PSMD4: variants seen among roughly 807,000 people sequenced by gnomAD.
PSMD4 encodes the protein 26S proteasome non-ATPase regulatory subunit 4.
In PSMD4, 5 loss-of-function variants were observed where a neutral mutation model predicts 39.7. That is an observed-to-expected ratio of 0.13 (90% CI 0.07 to 0.26). The LOEUF is 0.26. Among genes scored for constraint, PSMD4 ranks in the 10% least tolerant of loss-of-function variants. PSMD4 has a pLI of 1.00. For missense variants in PSMD4, 272 were observed against 486.1 expected, an observed-to-expected ratio of 0.56 and a Z score of 4.14; for synonymous variants, 143 against 174.6, an observed-to-expected ratio of 0.82 and a Z score of 1.43.
intron 9 of PSMD4, chr1:151,266,864 G>A (rs1693460861): frequency 1.4e-6 from 1 of 715,130 alleles, no homozygotes; most frequent in Non-Finnish European, 2.6e-6. Context: ...AAGCGGGTCT[G>A]GGAAAAAGAA....
chr1:151,261,215 T>C (rs1455750169), intron 1 of PSMD4, among the ~76,000 whole-genome samples: 2 of 143,604 alleles, frequency 1.4e-5, no homozygotes, highest in African/African-American at 5.2e-5. Flanking sequence ...GAAGTTTTGC[T>C]CTTGTTGCCC....
intron 1 of PSMD4, 96 bp downstream of exon 1, chr1:151,254,904 T>A: frequency 7.3e-7 from 1 of 1,374,366 alleles, no homozygotes; most frequent in Non-Finnish European, 9.5e-7. Context: ...CAGGGGCTCA[T>A]GGGCGAGAGG....
At chr1:151,264,367 C>T (rs999479625) in intron 3 of PSMD4, among the ~76,000 whole-genome samples, 3 of 149,420 alleles carry the variant, frequency 2.0e-5, no homozygotes, top group Non-Finnish European at 3.0e-5. Context: ...AGGCCGGGCG[C>T]GGTGGCTCAC....
intron 1 of PSMD4, among the ~76,000 whole-genome samples, chr1:151,261,180 C>CTTT (rs587653164): frequency 1.4e-4 from 17 of 120,006 alleles, no homozygotes; most frequent in African/African-American, 3.1e-4. Flanking sequence ...TTTTCTTTTT[C>CTTT]TTTTTTTTTT....
rs1802788 is a variant in PSMD4, at chr1:151,267,205, C to T, written c.996C>T (p.Pro332=). The T allele has an allele frequency of 5.1e-5, 83 of 1,613,762 alleles. No homozygotes were observed. Among genetic ancestry groups the T allele is most frequent in the Non-Finnish European group, 6.7e-5 (79 of 1,179,858 alleles). ...ATGATTACGACGTGATGCAGGACCC[C>T]GAGTTCCTTCAGAGTGTCCTAGAGA... is the stretch of plus-strand genomic sequence containing the variant. ...EEDDYDVMQD[P]EFLQSVLENL... Residue 332 remains proline (P), a synonymous_variant, in exon 10 of 10, where the codon CCC becomes CCT. Transcript: ENST00000368884.
chr1:151,257,246 C>G (rs1290034082), intron 1 of PSMD4, among the ~76,000 whole-genome samples: 1 of 152,140 alleles, frequency 6.6e-6, no homozygotes, highest in Non-Finnish European at 1.5e-5. Context: ...AATAGATGGT[C>G]ATAGGTGTGC....
intron 2 of PSMD4, 91 bp from the exon 3 acceptor site, chr1:151,263,823 C>T (rs1404490266): frequency 1.1e-6 from 1 of 920,714 alleles, no homozygotes; most frequent in Admixed American, 2.5e-5. Flanking sequence ...GAGTGAGACT[C>T]CGTCTAAAAA....
chr1:151,266,847 G>T, intron 9 of PSMD4: 1 of 722,886 alleles, frequency 1.4e-6, no homozygotes, highest in Non-Finnish European at 2.5e-6. Context: ...CTTCCCAGGA[G>T]GGAAAAAAGC....
Position 151,265,184 on chromosome 1 carries a change from C to A in PSMD4, c.388C>A (p.Arg130Ser). 2 of 1,613,230 alleles carry A rather than the reference C, an allele frequency of 1.2e-6. No homozygotes were observed. The highest frequency in any genetic ancestry group is 1.7e-6 in the Non-Finnish European group (2 of 1,179,704). Residue 130 changes from arginine (R) to serine (S), a missense_variant, in exon 5 of 10, where the codon CGC (arginine) becomes AGC (serine). Transcript: ENST00000368884. ...NEKDLVKLAK[R>S]LKKEKVNVDI... ...TTCCCAGCTGGTGAAACTGGCTAAA[C>A]GCCTCAAGAAGGAGAAAGTAAATGT...
In PSMD4 at chr1:151,267,164, T is replaced by G; in HGVS notation, c.964-9T>G. 1 of 1,613,860 alleles carries G rather than the reference T, an allele frequency of 6.2e-7. No individual in the cohort carries two copies. Among genetic ancestry groups the G allele is most frequent in the Non-Finnish European group, 8.5e-7 (1 of 1,179,804 alleles). ...TACCCTCCCTTGAGCTCACACTGCCTGTTTGCAGGAGGAGGATGATTACGA... is the reference window on the plus strand; with the variant it reads ...TACCCTCCCTTGAGCTCACACTGCCGGTTTGCAGGAGGAGGATGATTACGA... On this transcript the variant is annotated splice_polypyrimidine_tract_variant and intron_variant, in intron 9 of 9. Coordinates refer to ENST00000368884, the MANE Select transcript of PSMD4 (RefSeq NM_002810.4).
intron 1 of PSMD4, among the ~76,000 whole-genome samples, chr1:151,255,176 G>A (rs1164014447): frequency 6.6e-6 from 1 of 152,192 alleles, no homozygotes; most frequent in South Asian, 2.1e-4. Context: ...TAGGAAAATA[G>A]ATTATTAATC....
intron 1 of PSMD4, among the ~76,000 whole-genome samples, chr1:151,255,882 T>C (rs1379712475): frequency 6.6e-6 from 1 of 152,118 alleles, no homozygotes; most frequent in Admixed American, 6.6e-5. Context: ...CAGTGTTCTC[T>C]TTTCTCGCAA....
chr1:151,262,478 G>A (rs1693339028), intron 2 of PSMD4, 177 bp downstream of exon 2: 7 of 707,740 alleles, frequency 9.9e-6, no homozygotes, highest in African/African-American at 3.6e-5. Context: ...AATGTAGTAC[G>A]GAAGCTAAAT....
rs759889493 is a variant in PSMD4 at position 151,267,318 on chromosome 1, A to G, written c.1109A>G (p.Asp370Gly). The G allele has an allele frequency of 1.2e-6, 2 of 1,613,932 alleles. No individual in the cohort carries two copies. Among genetic ancestry groups the G allele is most frequent in the Admixed American group, 1.7e-5 (1 of 60,014 alleles). Residue 370 changes from aspartate (D) to glycine (G), a missense_variant, in exon 10 of 10, where the codon GAC becomes GGC. Asp to Gly is a moderately conservative substitution (Grantham distance 94). Around this residue, in one of 3 missense-constraint regions of PSMD4, gnomAD observed 113 missense variants for 184.6 expected, o/e 0.61. Transcript: ENST00000368884. ...CAGGCCACCAAGGACGGCAAGAAGG[A>G]CAAGAAGGAGGAAGACAAGAAGTGA... ...ASQATKDGKK[D>G]KKEEDKK is the part of the protein sequence containing the mutation.
chr1:151,264,622 AAG>A (rs924738187), intron 3 of PSMD4, among the ~76,000 whole-genome samples: 55 of 152,008 alleles, frequency 3.6e-4, no homozygotes, highest in East Asian at 3.9e-4. Context: ...AAAAAAAAAA[AAG>A]AGAGAAAGAG....
intron 2 of PSMD4, chr1:151,263,660 C>T (rs1693360502): frequency 3.9e-6 from 1 of 256,456 alleles, no homozygotes; most frequent in South Asian, 5.2e-5. Context: ...AACCCCGTCT[C>T]TACTAAAAAA....
chr1:151,264,065 G>A, intron 3 of PSMD4, 37 bp downstream of exon 3: 1 of 1,435,422 alleles, frequency 7.0e-7, no homozygotes. Context: ...TTTCCTCCCT[G>A]CTCTGAGGTC....
intron 1 of PSMD4, among the ~76,000 whole-genome samples, chr1:151,256,209 T>C (rs1693162014): frequency 1.3e-5 from 2 of 151,008 alleles, no homozygotes; most frequent in African/African-American, 4.9e-5. Context: ...CCAGGCGTGG[T>C]GGTGGACGCC....
chr1:151,260,950 A>G (rs1399979515), intron 1 of PSMD4, among the ~76,000 whole-genome samples: 2 of 151,176 alleles, frequency 1.3e-5, no homozygotes, highest in African/African-American at 2.4e-5. Flanking sequence ...GGTTCAAGCA[A>G]TTCTCCTGCC....
Sources: allele counts gnomAD v4.1 joint callset (sites outside exome capture counted in the v4.1 genomes callset), GRCh38; gene constraint gnomAD v4.1.1; regional missense constraint gnomAD v4.1.1; transcripts MANE v1.5; gene names NCBI Gene and HGNC (gene_info 2026-07-23, HGNC 2026-07-21).